ICAM3: variants seen among roughly 807,000 people sequenced by gnomAD.
ICAM3 encodes the protein ICAM-3.
Under a neutral mutation model 43.6 loss-of-function variants are expected in ICAM3, and 54 were observed. The ratio of observed to expected loss-of-function variants is 1.24; its 90% confidence interval spans 0.99 to 1.55. The LOEUF (loss-of-function observed/expected upper bound fraction) is 1.55, where lower values mean the gene tolerates loss of function less well. ICAM3 is among the 40% of genes most tolerant of loss of function. The probability of loss-of-function intolerance (pLI) is 0.00; values close to 1 mark genes in which losing one functional copy is unlikely to be tolerated. For synonymous variants in ICAM3, 306 were observed against 312.6 expected (o/e 0.98, Z 0.22); for missense variants, 715 against 717.9 (o/e 1.00, Z 0.05).
rs747564030 is a variant in ICAM3, at chr19:10,335,781, C to T, written c.539G>A (p.Ser180Asn). 6.2e-6 allele frequency: 10 copies of T among 1,612,576 alleles called. No individual in the cohort carries two copies. In the African/African-American group the frequency reaches 1.3e-4, roughly 22 times the overall value. ...GAAAGGGGCTCCGTGGTCGTCTCTG[C>T]TGGCCAGCACAGTGGCAGTGACCTC... ...PAEVTATVLA[S>N]RDDHGAPFSC... Residue 180 changes from serine to asparagine, a missense_variant, in exon 3 of 7, where the codon AGC (serine) becomes AAC (asparagine). Transcript: ENST00000160262.
intron 1 of ICAM3, 127 bp from the exon 2 acceptor site, chr19:10,339,075 T>G (rs3176767): frequency 0.21 from 208,012 of 998,410 alleles, 22,640 homozygotes; most frequent in South Asian, 0.27. Context: ...CATGGTCCAG[T>G]GGGAAAGGTA....
At position 10,335,247 on chromosome 19, in the gene ICAM3, G is replaced by T; in HGVS notation, c.756C>A (p.Ala252=). 1 of 1,613,752 alleles carries T rather than the reference G, an allele frequency of 6.2e-7. No individual in the cohort carries two copies. Among genetic ancestry groups the T allele is most frequent in the South Asian group, 1.1e-5 (1 of 91,086 alleles). Residue 252 remains alanine, a synonymous_variant, in exon 4 of 7, where the codon GCC becomes GCA. Transcript: ENST00000160262. ...GGTCCCCCAGCGCCAGGTAGACCTG[G>T]GCCTCTGAGGCTGGAAAAAGCCCGT... ...TLDGLFPASE[A]QVYLALGDQM... is the part of the protein sequence containing the mutation.
Position 10,338,809 on chromosome 19 carries a change from C to G in ICAM3, c.216G>C (p.Glu72Asp). The stretch of plus-strand genomic sequence containing the variant: ...CCCAGCCCATGCCACTGGCCACCAG[C>G]TCCTTTGATAGGGACGTCTCCAAGG... ...KIALETSLSK[E>D]LVASGMGWAA... The change falls in exon 2 of 7, where the codon GAG (glutamate) becomes GAC (aspartate). Residue 72 changes from glutamate (E) to aspartate (D), a missense_variant. Coordinates refer to ENST00000160262, the MANE Select transcript of ICAM3 (RefSeq NM_002162.5). 1 of 1,614,212 alleles carries G rather than the reference C, an allele frequency of 6.2e-7. No individual in the cohort carries two copies. Among genetic ancestry groups the G allele is most frequent in the Non-Finnish European group, 8.5e-7 (1 of 1,180,048 alleles).
Position 10,334,910 on chromosome 19 carries a change from C to T in ICAM3, c.938-128G>A. ...CTTTCGGCCGTTCAAGCCTCGCCCT[C>T]TTTCCGCGCTGTGTCCAGCTTCGGG... is the stretch of plus-strand genomic sequence containing the variant. On this transcript the variant is annotated intron_variant, in intron 4 of 6. Transcript: ENST00000160262. This position sits in a 1 kb window ranked among gnomAD's most constrained non-coding sequence, Gnocchi z 5.5. The T allele has an allele frequency of 6.9e-7, 1 of 1,451,060 alleles. No individual in the cohort carries two copies. The allele number at this position is 1,451,060 out of a possible 1,614,324, so 89.9% of individuals were successfully genotyped here. A position where few individuals can be genotyped will look rare whatever the true frequency, so the allele number is the denominator to read the frequency against.
chr19:10,337,042 G>A (rs1414473809), intron 2 of ICAM3, among the ~76,000 whole-genome samples: 5 of 151,048 alleles, frequency 3.3e-5, no homozygotes, highest in Non-Finnish European at 7.4e-5. Flanking sequence ...CCCAGGAGGC[G>A]GAGGTTGCAA....
chr19:10,335,384 C>A, intron 3 of ICAM3, 31 bp from the exon 4 acceptor site: 1 of 1,541,746 alleles, frequency 6.5e-7, no homozygotes, highest in South Asian at 1.2e-5. Flanking sequence ...AGTACAACCC[C>A]CAGGACTGTG....
chr19:10,337,097 C>A, intron 2 of ICAM3, among the ~76,000 whole-genome samples: 1 of 150,322 alleles, frequency 6.7e-6, no homozygotes, highest in Non-Finnish European at 1.5e-5. Context: ...GGGACAATAG[C>A]AAGACTGCGT....
chr19:10,334,036 C>G lies in ICAM3; in HGVS notation c.1465G>C (p.Val489Leu). ...AGGGTCAGTAACACCGCCACGAAGACGGGGACAAAGTGGGAGCTCCCAGCT... is the reference window on the plus strand; with the variant it reads ...AGGGTCAGTAACACCGCCACGAAGAGGGGGACAAAGTGGGAGCTCCCAGCT... ...IEAGSSHFVPVFVAVLLTLGV... is the reference protein window; with the variant it reads ...IEAGSSHFVPLFVAVLLTLGV... The change falls in exon 7 of 7, where the codon GTC (valine) becomes CTC (leucine). Residue 489 changes from valine to leucine, a missense_variant. By Grantham distance (32) the Val-to-Leu change is conservative. Coordinates refer to ENST00000160262, the MANE Select transcript of ICAM3 (RefSeq NM_002162.5). This position sits in a 1 kb window ranked among gnomAD's most constrained non-coding sequence, Gnocchi z 5.5. 1 of 1,614,100 alleles carries G rather than the reference C, an allele frequency of 6.2e-7. No homozygotes were observed. Among genetic ancestry groups the G allele is most frequent in the African/African-American group, 1.3e-5 (1 of 75,030 alleles).
At position 10,335,319 on chromosome 19, in the gene ICAM3, G is replaced by T; in HGVS notation, c.684C>A (p.Pro228=). The T allele has an allele frequency of 6.2e-7, 1 of 1,611,682 alleles. No individual in the cohort carries two copies. The highest frequency in any genetic ancestry group is 1.7e-5 in the Admixed American group (1 of 59,972). Residue 228 remains proline (P), a synonymous_variant, in exon 4 of 7, where the codon CCC becomes CCA. Coordinates refer to ENST00000160262, the MANE Select transcript of ICAM3 (RefSeq NM_002162.5). ...LPVTPPRLVA[P]RFLEVETSWP... is the part of the protein sequence containing the mutation. ...ACGACGTTTCCACCTCCAAGAACCG[G>T]GGGGCCACGAGGCGCGGGGGGGTCA...
In ICAM3 at chr19:10,333,910, T is replaced by TGAG; in HGVS notation, c.1588_1590dup (p.Leu530dup). The TGAG allele has an allele frequency of 1.9e-6, 3 of 1,614,098 alleles. No individual in the cohort carries two copies. The highest frequency in any genetic ancestry group is 2.5e-6 in the Non-Finnish European group (3 of 1,180,012). On this transcript the variant is annotated inframe_insertion, in exon 7 of 7. Coordinates refer to ENST00000160262, the MANE Select transcript of ICAM3 (RefSeq NM_002162.5). The surrounding 1 kb of genome is among the most constrained non-coding windows in gnomAD (Gnocchi z 4.2). ...ATTGCTTCTGTCGGCTGCATAGACG[T>TGAG]GAGGGGCAGATAGGTGCTCTCCTCC...
chr19:10,339,317 T>C (rs1462895855), intron 1 of ICAM3: 2 of 568,264 alleles, frequency 3.5e-6, no homozygotes, highest in East Asian at 5.9e-5. Context: ...ATGAGGGGTG[T>C]GTGTGTGTGT....
At chr19:10,335,650 G>C in intron 3 of ICAM3, 21 bp downstream of exon 3, 2 of 1,579,930 alleles carry the variant, frequency 1.3e-6, no homozygotes, top group Non-Finnish European at 1.7e-6. Flanking sequence ...GTCACCCACC[G>C]TCTGAAGCCC....
At position 10,334,549 on chromosome 19, in the gene ICAM3, T is replaced by C. The variant is rs985256381; in HGVS notation, c.1171A>G (p.Ser391Gly). 5.6e-6 allele frequency: 9 copies of C among 1,612,514 alleles called. No individual in the cohort carries two copies. The African/African-American group carries it at 9.3e-5, about 17-fold the overall frequency. ...VDGEFLHRNSSVQLRVLYGPK... is the reference protein window; with the variant it reads ...VDGEFLHRNSGVQLRVLYGPK... ...TCACACAGGACTCGCAGCTGGACGC[T>C]ACTGTTCCTGTGCAAGAACTCGCCG... The change falls in exon 5 of 7, where the codon AGC (serine) becomes GGC (glycine). Residue 391 changes from serine to glycine, a missense_variant. Physicochemically the swap from Ser to Gly is moderately conservative, Grantham distance 56. Transcript: ENST00000160262. This position sits in a 1 kb window ranked among gnomAD's most constrained non-coding sequence, Gnocchi z 5.5.
In ICAM3 at chr19:10,335,135, G is replaced by C. The variant is rs1430799545; in HGVS notation, c.868C>G (p.Arg290Gly). Residue 290 changes from arginine (R) to glycine (G), a missense_variant, in exon 4 of 7, where the codon CGG becomes GGG. Transcript: ENST00000160262. ...ATARADQEGA[R>G]EIVCNVTLGG... is the part of the protein sequence containing the mutation. ...AGGGTCACGTTGCAGACGATCTCCC[G>C]GGCACCCTCCTGATCCGCGCGCGCC... 1.5e-5 allele frequency: 25 copies of C among 1,613,702 alleles called. No homozygotes were observed. Among genetic ancestry groups the C allele is most frequent in the South Asian group, 4.4e-5 (4 of 91,070 alleles).
intron 3 of ICAM3, 157 bp from the exon 4 acceptor site, chr19:10,335,510 G>T (rs909236732): frequency 2.7e-6 from 3 of 1,098,920 alleles, no homozygotes; most frequent in African/African-American, 3.2e-5. Flanking sequence ...AGATCCCACG[G>T]CTCGGGCCTC....
chr19:10,335,833 G>C lies in ICAM3; in HGVS notation c.487C>G (p.Arg163Gly), dbSNP rs769886262. ...GCTGGCTCCTCCACTGCGGGCTGCC[G>C]GCTCAGCTCCTCCTCCCAGCGAAGC... ...VLLRWEEELS[R>G]QPAVEEPAEV... The change falls in exon 3 of 7, where the codon CGG (arginine) becomes GGG (glycine). Residue 163 changes from arginine (R) to glycine (G), a missense_variant. By Grantham distance (125) the Arg-to-Gly change is moderately radical. Transcript: ENST00000160262. The C allele has an allele frequency of 1.2e-6, 2 of 1,612,036 alleles. No individual in the cohort carries two copies. The highest frequency in any genetic ancestry group is 3.3e-5 in the Admixed American group (2 of 59,914).
chr19:10,338,937 G>A lies in ICAM3; in HGVS notation c.88C>T (p.Gln30Ter), dbSNP rs751724224. The change falls in exon 2 of 7, where the codon CAG becomes TAG. Residue 30 changes from glutamine (Q) to a stop codon, truncating the protein, a stop_gained. Coordinates refer to ENST00000160262, the MANE Select transcript of ICAM3 (RefSeq NM_002162.5). LOFTEE classifies it high-confidence loss of function. ...GGCTCCACCCGCAAAAGGAACTCCTGCCCCTGGACACCTTCAGGAACATGA... is the reference window on the plus strand; with the variant it reads ...GGCTCCACCCGCAAAAGGAACTCCTACCCCTGGACACCTTCAGGAACATGA... ...CCLLTPGVQGQEFLLRVEPQN... is the reference protein window; with the variant it reads ...CCLLTPGVQG 1 of 1,613,862 alleles carries A rather than the reference G, an allele frequency of 6.2e-7. No homozygotes were observed. Among genetic ancestry groups the A allele is most frequent in the South Asian group, 1.1e-5 (1 of 91,074 alleles).
At chr19:10,337,485 G>T (rs2145101910) in intron 2 of ICAM3, among the ~76,000 whole-genome samples, 1 of 136,982 alleles carries the variant, frequency 7.3e-6, no homozygotes, top group South Asian at 2.4e-4. Flanking sequence ...CTACTGGAGA[G>T]ACTGAAGTGG....
chr19:10,335,785 C>A lies in ICAM3; in HGVS notation c.535G>T (p.Ala179Ser). ...GGGGCTCCGTGGTCGTCTCTGCTGG[C>A]CAGCACAGTGGCAGTGACCTCCGCT... ...EPAEVTATVL[A>S]SRDDHGAPFS... is the part of the protein sequence containing the mutation. Residue 179 changes from alanine (A) to serine (S), a missense_variant, in exon 3 of 7, where the codon GCC (alanine) becomes TCC (serine). Coordinates refer to ENST00000160262, the MANE Select transcript of ICAM3 (RefSeq NM_002162.5). 6.2e-7 allele frequency: 1 copy of A among 1,612,726 alleles called. No homozygotes were observed. Among genetic ancestry groups the A allele is most frequent in the African/African-American group, 1.3e-5 (1 of 75,074 alleles).
Sources: allele counts gnomAD v4.1 joint callset (sites outside exome capture counted in the v4.1 genomes callset), GRCh38; gene constraint gnomAD v4.1.1; non-coding constraint Gnocchi (gnomAD v3.1); transcripts MANE v1.5; gene names NCBI Gene and HGNC (gene_info 2026-07-23, HGNC 2026-07-21).